The following WDR19 variants were observed in gnomAD, a reference collection of about 807,000 sequenced individuals.
WDR19 encodes the protein WD repeat-containing protein 19.
A neutral mutation model predicts 180.0 loss-of-function variants in WDR19; 121 were observed. That is an observed-to-expected ratio of 0.67 (90% CI 0.58 to 0.78). The LOEUF (loss-of-function observed/expected upper bound fraction) is 0.78. Among genes scored for constraint, WDR19 ranks in the 30% least tolerant of loss-of-function variants. WDR19 has a pLI of 0.00. For synonymous variants in WDR19, 497 were observed against 540.7 expected, an observed-to-expected ratio of 0.92 and a Z score of 1.12; for missense variants, 1,450 against 1,640.7, an observed-to-expected ratio of 0.88 and a Z score of 2.01.
At chr4:39,215,146 C>T (rs868862759) in intron 10 of WDR19, among the ~76,000 whole-genome samples, 3 of 152,120 alleles carry the variant, frequency 2.0e-5, no homozygotes, top group Non-Finnish European at 4.4e-5. Context: ...TGTTGTCATA[C>T]TGCTTGACTA....
chr4:39,186,592 T>G lies in WDR19; in HGVS notation c.152T>G (p.Ile51Ser), dbSNP rs1267632086. The G allele has an allele frequency of 1.3e-6, 2 of 1,579,304 alleles. No individual in the cohort carries two copies. The highest frequency in any genetic ancestry group is 3.6e-5 in the Admixed American group (2 of 55,120). The change falls in exon 3 of 37, where the codon ATT (isoleucine) becomes AGT (serine). Residue 51 changes from isoleucine (I) to serine (S), a missense_variant. Physicochemically the swap from Ile to Ser is moderately radical, Grantham distance 142 (BLOSUM62 -2). Coordinates refer to ENST00000399820, the MANE Select transcript of WDR19 (RefSeq NM_025132.4). ...FDRHGQKRSE[I>S]NLPGNCVAMD... ...CGCCATGGTCAAAAAAGAAGTGAAATTAACTTACCTGGGTAAGTACAGAAG... is the reference window on the plus strand; with the variant it reads ...CGCCATGGTCAAAAAAGAAGTGAAAGTAACTTACCTGGGTAAGTACAGAAG...
intron 36 of WDR19, among the ~76,000 whole-genome samples, chr4:39,278,932 C>T (rs2109527818): frequency 6.6e-6 from 1 of 152,026 alleles, no homozygotes; most frequent in Middle Eastern, 3.4e-3. Flanking sequence ...TTAATCACTC[C>T]ATTAAAACTA....
Position 39,194,816 on chromosome 4 carries a change from G to T in WDR19, c.406+157G>T, listed in dbSNP as rs1353250637. The T allele has an allele frequency of 6.8e-6, 4 of 590,432 alleles. No homozygotes were observed. In the Admixed American group the frequency reaches 9.0e-5, roughly 13 times the overall value. The allele number at this position is 590,432 out of a possible 1,614,324, so 36.6% of individuals were successfully genotyped here. ...AGTCTTACATTTAGCTAAACATGAA[G>T]ATCCCTGTTCACTGCTTACTAAGAA... On this transcript the variant is annotated intron_variant, in intron 5 of 36. Coordinates refer to ENST00000399820, the MANE Select transcript of WDR19 (RefSeq NM_025132.4).
chr4:39,222,286 A>G (rs1206587647), intron 14 of WDR19, among the ~76,000 whole-genome samples: 2 of 152,054 alleles, frequency 1.3e-5, no homozygotes, highest in Non-Finnish European at 2.9e-5. Context: ...GATTTATGAG[A>G]GTTCTTTATA....
intron 19 of WDR19, 74 bp from the exon 20 acceptor site, chr4:39,234,691 TA>T: frequency 2.2e-6 from 2 of 904,066 alleles, no homozygotes; most frequent in East Asian, 5.3e-5. Context: ...TTAGTTTTAT[TA>T]AAACTAGCTC....
chr4:39,250,560 T>C (rs934604943), intron 24 of WDR19, among the ~76,000 whole-genome samples: 3 of 152,144 alleles, frequency 2.0e-5, no homozygotes, highest in African/African-American at 7.2e-5. Context: ...AAAGAGGAAG[T>C]CAAATTGTCC....
rs144111830 is a variant in WDR19 at position 39,281,205 on chromosome 4, A to ATGTGTGTGTGTGTGTGTG, written c.*13+2553_*13+2554insGTGTGTGTGTGTGTGTGT. Among the ~76,000 whole-genome samples the ATGTGTGTGTGTGTGTGTG allele has an allele frequency of 1.3e-3, 140 of 110,194 alleles. 1 individual carries two copies. Among genetic ancestry groups the ATGTGTGTGTGTGTGTGTG allele is most frequent in the Middle Eastern group, 4.2e-3 (1 of 238 alleles). The allele number at this position is 110,194 out of a possible 152,430, so 72.3% of individuals were successfully genotyped here. On this transcript the variant is annotated intron_variant, in intron 36 of 36. Coordinates refer to ENST00000399820, the MANE Select transcript of WDR19 (RefSeq NM_025132.4). ...ATTGCCTTCTTTGTCCTAAATATAT[A>ATGTGTGTGTGTGTGTGTG]TGTGTGTGTGTATATATATATATAT...
At chr4:39,257,389 G>A (rs905149114) in intron 27 of WDR19, 97 bp from the exon 28 acceptor site, 1 of 1,132,710 alleles carries the variant, frequency 8.8e-7, no homozygotes, top group African/African-American at 1.6e-5. Flanking sequence ...TACTTTCACA[G>A]ACTGTAATTA....
In WDR19 at chr4:39,285,643, T is replaced by A. The variant is rs559117989; in HGVS notation, c.*170T>A. 1 of 152,360 alleles carries A rather than the reference T, an allele frequency of 6.6e-6. No individual in the cohort carries two copies. Among genetic ancestry groups the A allele is most frequent in the African/African-American group, 2.4e-5 (1 of 41,574 alleles). 9.4% of individuals were successfully genotyped at this position (152,360 alleles called of 1,614,324 possible). On this transcript the variant is annotated 3_prime_UTR_variant, in exon 37 of 37. Transcript: ENST00000399820. The stretch of plus-strand genomic sequence containing the variant: ...TCTGTACGGTGGCAAAACGATGACA[T>A]GTAACCTTGCTGTTTATTGTACTTT...
At chr4:39,249,951 T>C (rs980923850) in intron 24 of WDR19, among the ~76,000 whole-genome samples, 4 of 152,202 alleles carry the variant, frequency 2.6e-5, no homozygotes, top group Non-Finnish European at 5.9e-5. Context: ...TCTGAAACTA[T>C]TCCAATCAAT....
At chr4:39,251,540 A>C (rs920302518) in intron 24 of WDR19, among the ~76,000 whole-genome samples, 10 of 152,334 alleles carry the variant, frequency 6.6e-5, no homozygotes, top group Non-Finnish European at 1.2e-4. Context: ...GAGCTTCTGC[A>C]CAGCAAAAGA....
chr4:39,271,099 G>A lies in WDR19; in HGVS notation c.3483+999G>A, dbSNP rs144710505. Among the ~76,000 whole-genome samples, 537 of 152,088 alleles carry A rather than the reference G, an allele frequency of 3.5e-3. 1 individual carries two copies. Among genetic ancestry groups the A allele is most frequent in the African/African-American group, 0.012 (494 of 41,480 alleles). On this transcript the variant is annotated intron_variant, in intron 31 of 36. Coordinates refer to ENST00000399820, the MANE Select transcript of WDR19 (RefSeq NM_025132.4). ...TTTAATAGAGATGGGGTTTCACCAC[G>A]TTGGCCAGGCTGGTCTCGAACTCCT...
intron 29 of WDR19, 137 bp from the exon 30 acceptor site, chr4:39,267,858 C>A (rs1017328403): frequency 7.8e-6 from 6 of 767,450 alleles, no homozygotes; most frequent in African/African-American, 3.5e-5. Flanking sequence ...TAAACGAATT[C>A]TTTATTCATT....
chr4:39,194,020 A>G (rs1422193546), intron 4 of WDR19, among the ~76,000 whole-genome samples: 1 of 152,246 alleles, frequency 6.6e-6, no homozygotes, highest in African/African-American at 2.4e-5. Context: ...CTTCAACCTC[A>G]TGAATCGTAG....
At chr4:39,225,544 A>G (rs1339226114) in intron 15 of WDR19, among the ~76,000 whole-genome samples, 1 of 152,228 alleles carries the variant, frequency 6.6e-6, no homozygotes, top group East Asian at 1.9e-4. Flanking sequence ...AAATAGATTT[A>G]GAAAAAAGGA....
intron 9 of WDR19, among the ~76,000 whole-genome samples, chr4:39,210,729 G>A (rs1424991510): frequency 2.0e-5 from 3 of 152,030 alleles, no homozygotes; most frequent in East Asian, 1.9e-4. Flanking sequence ...AAGACAAACC[G>A]TATATATAAT....
Position 39,215,894 on chromosome 4 carries a change from C to T in WDR19, c.1015C>T (p.Gln339Ter). 1 of 1,613,834 alleles carries T rather than the reference C, an allele frequency of 6.2e-7. No individual in the cohort carries two copies. ...DDGQLLALST[Q>*]RGSLHVFLTK... ...TGGCCAGTTGCTAGCACTCTCTACC[C>T]AAAGGGGCTCACTTCATGTTTTCCT... The change falls in exon 11 of 37, where the codon CAA becomes TAA. Residue 339 changes from glutamine (Q) to a stop codon, truncating the protein, a stop_gained. Coordinates refer to ENST00000399820, the MANE Select transcript of WDR19 (RefSeq NM_025132.4). LOFTEE classifies it high-confidence loss of function.
intron 30 of WDR19, among the ~76,000 whole-genome samples, chr4:39,269,087 G>A (rs1404758522): frequency 1.3e-5 from 2 of 152,066 alleles, no homozygotes; most frequent in Non-Finnish European, 2.9e-5. Flanking sequence ...GCTGGGATGA[G>A]GAAAAGTGCT....
intron 9 of WDR19, among the ~76,000 whole-genome samples, chr4:39,212,867 A>G (rs1330155005): frequency 2.0e-5 from 3 of 152,210 alleles, no homozygotes; most frequent in Admixed American, 6.5e-5. Flanking sequence ...AAAATAATAC[A>G]TTTACTTATA....
Sources: gnomAD v4.1 joint callset for allele counts (sites outside exome capture counted in the v4.1 genomes callset) on GRCh38, gnomAD v4.1.1 for gene constraint, MANE v1.5 for transcripts, NCBI Gene and HGNC (gene_info 2026-07-23, HGNC 2026-07-21) for gene names.